Variants in SEMA3A observed in about 807,000 individuals in gnomAD.
SEMA3A encodes semaphorin-3A.
A neutral mutation model predicts 97.9 loss-of-function variants in SEMA3A; 29 were observed. The ratio of observed to expected loss-of-function variants is 0.30; its 90% CI spans 0.22 to 0.40. The LOEUF (loss-of-function observed/expected upper bound fraction) is 0.40, where lower values mean the gene tolerates loss of function less well. SEMA3A is among the 10% of genes least tolerant of loss of function. The pLI, the probability that SEMA3A is intolerant of heterozygous loss-of-function variation, is 1.00. For synonymous variants in SEMA3A, 321 were observed against 323.7 expected (o/e 0.99, Z 0.09); for missense variants, 763 against 951.3 (o/e 0.80, Z 2.60).
chr7:84,120,846 A>G (rs540741562), intron 3 of SEMA3A, among the ~76,000 whole-genome samples: 1 of 152,294 alleles, frequency 6.6e-6, no homozygotes, highest in African/African-American at 2.4e-5. Flanking sequence ...ATTGTGACTC[A>G]GGGTTCAGAG....
intron 1 of SEMA3A, among the ~76,000 whole-genome samples, chr7:84,465,889 C>A (rs981499377): frequency 6.6e-6 from 1 of 152,078 alleles, no homozygotes; most frequent in African/African-American, 2.4e-5. Flanking sequence ...TTCCCCAATA[C>A]CTTTATCCCA....
chr7:84,197,407 A>G (rs187147388), upstream of SEMA3A, among the ~76,000 whole-genome samples: 1 of 152,298 alleles, frequency 6.6e-6, no homozygotes, highest in African/African-American at 2.4e-5. Flanking sequence ...AAAATACTAG[A>G]AATGTCTGGC....
intron 3 of SEMA3A, among the ~76,000 whole-genome samples, chr7:84,120,151 G>C (rs866427716): frequency 2.0e-5 from 3 of 150,246 alleles, no homozygotes; most frequent in Middle Eastern, 3.5e-3. Flanking sequence ...GACCCTAAAA[G>C]ATTTCCAAAA....
chr7:84,040,154 T>C (rs749410712), intron 6 of SEMA3A, among the ~76,000 whole-genome samples: 1 of 151,962 alleles, frequency 6.6e-6, no homozygotes, highest in Non-Finnish European at 1.5e-5. Context: ...GCATCAAACC[T>C]GCATTGAATA....
At chr7:84,229,399 A>G (rs1042598474) in intron 3 of SEMA3A, among the ~76,000 whole-genome samples, 5 of 152,170 alleles carry the variant, frequency 3.3e-5, no homozygotes, top group African/African-American at 1.2e-4. Context: ...TCTCATAGAT[A>G]AACATACACT....
chr7:84,150,434 CA>C (rs1384648673), intron 1 of SEMA3A, among the ~76,000 whole-genome samples: 1 of 152,216 alleles, frequency 6.6e-6, no homozygotes, highest in Non-Finnish European at 1.5e-5. Flanking sequence ...TCGGGAAGCG[CA>C]AGGGGTCCGG....
In SEMA3A at chr7:84,186,735, T is replaced by C. The variant is rs141039962; in HGVS notation, c.112+7740A>G. 1.5e-3 allele frequency among the ~76,000 whole-genome samples: 232 copies of C among 151,676 alleles called. 1 individual carries two copies. Among genetic ancestry groups the C allele is most frequent in the African/African-American group, 5.4e-3 (223 of 41,294 alleles). Reference sequence around the variant, plus strand: ...TCCTTTCCTGGCAATATTTCTACCATGTCACAATAACTACATATTTAAAAA... The same window carrying C: ...TCCTTTCCTGGCAATATTTCTACCACGTCACAATAACTACATATTTAAAAA... On this transcript the variant is annotated intron_variant, in intron 1 of 16. Coordinates refer to ENST00000265362, the MANE Select transcript of SEMA3A (RefSeq NM_006080.3).
intron 1 of SEMA3A, among the ~76,000 whole-genome samples, chr7:84,442,659 A>C (rs909199253): frequency 1.7e-5 from 2 of 115,570 alleles, no homozygotes; most frequent in African/African-American, 8.1e-5. Flanking sequence ...CTCCAGTCAA[A>C]ATTAAAAAGA....
intron 1 of SEMA3A, among the ~76,000 whole-genome samples, chr7:84,160,017 T>C (rs58675984): frequency 6.6e-6 from 1 of 152,050 alleles, no homozygotes; most frequent in Admixed American, 6.6e-5. Context: ...ATACCATAAG[T>C]TGATCCTCAA....
intron 1 of SEMA3A, among the ~76,000 whole-genome samples, chr7:84,144,363 G>C (rs1796405055): frequency 6.6e-6 from 1 of 151,720 alleles, no homozygotes; most frequent in South Asian, 2.1e-4. Context: ...AAGAAATAGA[G>C]GCTTAATTCT....
At chr7:84,203,161 T>A (rs560948507) in intron 3 of SEMA3A, among the ~76,000 whole-genome samples, 2 of 152,174 alleles carry the variant, frequency 1.3e-5, no homozygotes, top group African/African-American at 4.8e-5. Context: ...TTACTTTATA[T>A]ATTTTTGAAA....
intron 2 of SEMA3A, among the ~76,000 whole-genome samples, chr7:84,327,195 G>A (rs1801793642): frequency 6.6e-6 from 1 of 151,944 alleles, no homozygotes; most frequent in African/African-American, 2.4e-5. Context: ...TCAGAGAGGT[G>A]AACATTTGCC....
intron 2 of SEMA3A, among the ~76,000 whole-genome samples, chr7:84,370,481 T>A (rs373609589): frequency 5.6e-4 from 85 of 151,796 alleles, no homozygotes; most frequent in African/African-American, 1.9e-3. Flanking sequence ...TAATTTATAA[T>A]TTCGTGTAAA....
intron 3 of SEMA3A, among the ~76,000 whole-genome samples, chr7:84,265,869 ATATATTGGCTACTTGT>A (rs1465474599): frequency 6.6e-6 from 1 of 152,094 alleles, no homozygotes; most frequent in African/African-American, 2.4e-5. Flanking sequence ...AATGTAACTG[ATATATTGGCTACTTGT>A]TATAATTACT....
At chr7:84,131,074 G>A (rs1442774712) in intron 2 of SEMA3A, among the ~76,000 whole-genome samples, 1 of 151,622 alleles carries the variant, frequency 6.6e-6, no homozygotes, top group Non-Finnish European at 1.5e-5. Context: ...ACTTAAAAGG[G>A]CCTTTTAAGT....
chr7:84,240,720 T>C (rs1211119904), intron 3 of SEMA3A, among the ~76,000 whole-genome samples: 1 of 152,140 alleles, frequency 6.6e-6, no homozygotes, highest in South Asian at 2.1e-4. Context: ...ACCCATCATG[T>C]ACATTAGGTG....
chr7:84,336,360 T>C (rs1435495779), intron 2 of SEMA3A, among the ~76,000 whole-genome samples: 2 of 152,106 alleles, frequency 1.3e-5, no homozygotes, highest in Non-Finnish European at 2.9e-5. Flanking sequence ...AAAATTACCA[T>C]ATTTACTGAA....
At chr7:84,081,558 A>C (rs1437679838) in intron 4 of SEMA3A, among the ~76,000 whole-genome samples, 1 of 149,120 alleles carries the variant, frequency 6.7e-6, no homozygotes, top group African/African-American at 2.5e-5. Context: ...ACGCCAGTGC[A>C]CTGTAGCCTG....
intron 1 of SEMA3A, among the ~76,000 whole-genome samples, chr7:84,172,807 A>G (rs1327610258): frequency 2.0e-5 from 3 of 152,204 alleles, no homozygotes; most frequent in African/African-American, 7.2e-5. Context: ...GATTTAGCCC[A>G]CAGACTATGA....
Sources: allele counts gnomAD v4.1 joint callset (sites outside exome capture counted in the v4.1 genomes callset), GRCh38; gene constraint gnomAD v4.1.1; transcripts MANE v1.5; gene names NCBI Gene and HGNC (gene_info 2026-07-23, HGNC 2026-07-21).